Variants in LAMA1 observed in about 807,000 individuals in gnomAD.
The protein encoded by LAMA1 is laminin subunit alpha 1.
LAMA1 carries 219 observed loss-of-function variants against 348.7 expected under a neutral mutation model. The ratio of observed to expected loss-of-function variants is 0.63; its 90% confidence interval spans 0.56 to 0.70. The LOEUF (loss-of-function observed/expected upper bound fraction) is 0.70. Among genes scored for constraint, LAMA1 ranks in the 30% least tolerant of loss-of-function variants. The pLI, the probability that LAMA1 is intolerant of heterozygous loss-of-function variation, is 0.00. For synonymous variants in LAMA1, 1,487 were observed against 1,491.0 expected, an observed-to-expected ratio of 1.00 and a Z score of 0.06; for missense variants, 3,744 against 3,888.0, an observed-to-expected ratio of 0.96 and a Z score of 0.99.
intron 3 of LAMA1, among the ~76,000 whole-genome samples, chr18:7,063,163 A>T (rs982035698): frequency 3.3e-5 from 5 of 152,160 alleles, no homozygotes; most frequent in African/African-American, 1.2e-4. Context: ...TAGTTTTAGC[A>T]CTAGAGAGAT....
intron 7 of LAMA1, 40 bp downstream of exon 7, chr18:7,044,682 A>G: frequency 2.0e-6 from 3 of 1,479,626 alleles, no homozygotes; most frequent in Non-Finnish European, 1.9e-6. Flanking sequence ...ACGTATTAAG[A>G]GGAAAACTGT....
At chr18:7,036,849 T>G (rs558429691) in intron 12 of LAMA1, among the ~76,000 whole-genome samples, 1 of 151,852 alleles carries the variant, frequency 6.6e-6, no homozygotes, top group Non-Finnish European at 1.5e-5. Flanking sequence ...TGCCATTACT[T>G]TAAAACAAAA....
intron 1 of LAMA1, among the ~76,000 whole-genome samples, chr18:7,091,809 G>A (rs1296489355): frequency 6.6e-6 from 1 of 152,174 alleles, no homozygotes; most frequent in African/African-American, 2.4e-5. Context: ...AGTGGTAACT[G>A]CAATAAGAAA....
intron 3 of LAMA1, among the ~76,000 whole-genome samples, chr18:7,059,901 C>T (rs920421339): frequency 1.5e-4 from 23 of 152,066 alleles, no homozygotes; most frequent in East Asian, 1.3e-3. Flanking sequence ...GTGAAAGTGG[C>T]GATTTTGTGC....
At chr18:6,987,432 G>A (rs186338545) in intron 36 of LAMA1, among the ~76,000 whole-genome samples, 1 of 152,144 alleles carries the variant, frequency 6.6e-6, no homozygotes, top group Non-Finnish European at 1.5e-5. Flanking sequence ...AATTCAAATT[G>A]ACAAAAAGAT....
chr18:7,043,464 A>C, intron 7 of LAMA1, 59 bp from the exon 8 acceptor site: 1 of 1,354,158 alleles, frequency 7.4e-7, no homozygotes, highest in Non-Finnish European at 1.0e-6. Flanking sequence ...TACAAAGAAA[A>C]CTCTTAACCT....
chr18:7,023,453 A>G, intron 18 of LAMA1, 78 bp from the exon 19 acceptor site: 1 of 1,165,830 alleles, frequency 8.6e-7, no homozygotes, highest in Non-Finnish European at 1.3e-6. Context: ...GACTCCCTGA[A>G]TGGCTAATAA....
rs1472470527 is a variant in LAMA1, at chr18:7,049,251, T to C, written c.595A>G (p.Thr199Ala). The change falls in exon 5 of 63, where the codon ACA (threonine) becomes GCA (alanine). Residue 199 changes from threonine to alanine, a missense_variant. This residue lies in a region of LAMA1 where 1,529 missense variants were observed against 1,689.4 expected (regional missense o/e 0.91). Transcript: ENST00000389658. ...LVPLEHGEIH[T>A]SLINGRPSAD... ...CTTGGTCTGCCATTGATGAGTGATG[T>C]ATGAATCTGAAGATGAAGGCATCAA... The C allele has an allele frequency of 1.2e-6, 2 of 1,613,522 alleles. No individual in the cohort carries two copies. The highest frequency in any genetic ancestry group is 1.7e-5 in the Admixed American group (1 of 59,994).
At chr18:7,060,075 A>C (rs1433021422) in intron 3 of LAMA1, among the ~76,000 whole-genome samples, 2 of 152,258 alleles carry the variant, frequency 1.3e-5, no homozygotes, top group South Asian at 2.1e-4. Context: ...CAATCACGAA[A>C]GCACTTAGTC....
At chr18:6,954,754 C>CGGTGGT in intron 57 of LAMA1, 1 of 177,090 alleles carries the variant, frequency 5.6e-6, no homozygotes, top group Admixed American at 5.4e-5. Flanking sequence ...CAGGGTGGCA[C>CGGTGGT]AGCCAATGAC....
chr18:7,053,671 G>A (rs147275221), intron 3 of LAMA1, among the ~76,000 whole-genome samples: 1 of 152,180 alleles, frequency 6.6e-6, no homozygotes, highest in African/African-American at 2.4e-5. Context: ...AACTGAGAAG[G>A]AATTACCTCT....
At chr18:7,034,333 T>G (rs1568039780) in intron 14 of LAMA1, 146 bp downstream of exon 14, 6 of 689,042 alleles carry the variant, frequency 8.7e-6, no homozygotes, top group Non-Finnish European at 1.5e-5. Flanking sequence ...TTTATAAACT[T>G]AATAATTCTT....
Position 6,961,954 on chromosome 18 carries a change from A to G in LAMA1, c.7443T>C (p.Cys2481=), listed in dbSNP as rs763547398. 1 of 1,613,620 alleles carries G rather than the reference A, an allele frequency of 6.2e-7. No homozygotes were observed. Among genetic ancestry groups the G allele is most frequent in the Non-Finnish European group, 8.5e-7 (1 of 1,179,538 alleles). ...TAACAATGTTTCCTACCTCCAGTAA[A>G]CAGCCTTTTCTCACTCCATAGGAAT... ...LRNSYGVRKG[C]LLEPIRSVSF... Residue 2481 remains cysteine (C), a synonymous_variant, in exon 52 of 63, where the codon TGT becomes TGC. Coordinates refer to ENST00000389658, the MANE Select transcript of LAMA1 (RefSeq NM_005559.4).
chr18:6,977,662 T>C lies in LAMA1; in HGVS notation c.6345+65A>G, dbSNP rs200970983. 3.7e-3 allele frequency: 5,944 copies of C among 1,597,690 alleles called. 22 individuals carry two copies. The highest frequency in any genetic ancestry group is 4.3e-3 in the Non-Finnish European group (4,966 of 1,167,768). Reference sequence around the variant, plus strand: ...AGTGTGACTGAGGGCCATGTCTGCATGAATTCCCTGGGACCCCACATGACT... The same window carrying C: ...AGTGTGACTGAGGGCCATGTCTGCACGAATTCCCTGGGACCCCACATGACT... On this transcript the variant is annotated intron_variant, in intron 44 of 62. Transcript: ENST00000389658.
At chr18:7,039,258 C>T (rs939554302) in intron 10 of LAMA1, among the ~76,000 whole-genome samples, 7 of 152,044 alleles carry the variant, frequency 4.6e-5, no homozygotes, top group Non-Finnish European at 7.3e-5. Context: ...CTGAAGAGAG[C>T]TATAGAATTT....
rs80110359 is a variant in LAMA1 at position 7,064,629 on chromosome 18, C to G, written c.346-13693G>C. ...TTCCTGAACAGCAAGTTCGGGCAGC[C>G]CCATTTCTTGCCTGGCTCAGTCTAT... On this transcript the variant is annotated intron_variant, in intron 3 of 62. Coordinates refer to ENST00000389658, the MANE Select transcript of LAMA1 (RefSeq NM_005559.4). 5.2e-3 allele frequency among the ~76,000 whole-genome samples: 785 copies of G among 152,250 alleles called. 7 individuals carry two copies. Among genetic ancestry groups the G allele is most frequent in the African/African-American group, 0.017 (694 of 41,550 alleles).
intron 24 of LAMA1, among the ~76,000 whole-genome samples, chr18:7,011,709 T>C (rs939794043): frequency 2.6e-5 from 4 of 152,196 alleles, no homozygotes; most frequent in Non-Finnish European, 5.9e-5. Context: ...CGTTCAATGA[T>C]ATGCAGAAGA....
intron 1 of LAMA1, among the ~76,000 whole-genome samples, chr18:7,094,293 A>G (rs961810200): frequency 2.0e-5 from 3 of 151,746 alleles, no homozygotes; most frequent in East Asian, 3.9e-4. Context: ...GCGTGGTGGC[A>G]AGCACCTGTA....
chr18:7,102,648 C>T (rs1438813436), intron 1 of LAMA1, among the ~76,000 whole-genome samples: 2 of 152,110 alleles, frequency 1.3e-5, no homozygotes, highest in African/African-American at 2.4e-5. Context: ...GAAACCGCTC[C>T]CAAATCTGAA....
Sources: gnomAD v4.1 joint callset for allele counts (sites outside exome capture counted in the v4.1 genomes callset) on GRCh38, gnomAD v4.1.1 for gene constraint, gnomAD v4.1.1 regional missense constraint, MANE v1.5 for transcripts, NCBI Gene and HGNC (gene_info 2026-07-23, HGNC 2026-07-21) for gene names.